CPA6: variants seen among roughly 807,000 people sequenced by gnomAD.
CPA6 encodes the protein carboxypeptidase A6.
In CPA6, 58 loss-of-function variants were observed where a neutral mutation model predicts 63.3. That is an observed-to-expected ratio of 0.92 (90% CI 0.74 to 1.14). The LOEUF is 1.14. CPA6 is among the 50% of genes most tolerant of loss of function. The pLI, the probability that CPA6 is intolerant of heterozygous loss-of-function variation, is 0.00. For synonymous variants in CPA6, 185 were observed against 179.0 expected (o/e 1.03, Z -0.27); for missense variants, 565 against 526.6 (o/e 1.07, Z -0.71).
At chr8:67,494,718 G>A (rs2128962827) in intron 6 of CPA6, among the ~76,000 whole-genome samples, 1 of 152,188 alleles carries the variant, frequency 6.6e-6, no homozygotes, top group African/African-American at 2.4e-5. Flanking sequence ...CCTAAATATA[G>A]CTATTACTTG....
intron 1 of CPA6, among the ~76,000 whole-genome samples, chr8:67,711,251 C>T (rs1054746189): frequency 6.6e-6 from 1 of 152,220 alleles, no homozygotes; most frequent in South Asian, 2.1e-4. Flanking sequence ...AACCTTACAA[C>T]AAATTACCTA....
At chr8:67,562,910 G>A (rs1813248821) in intron 2 of CPA6, among the ~76,000 whole-genome samples, 1 of 152,096 alleles carries the variant, frequency 6.6e-6, no homozygotes, top group Non-Finnish European at 1.5e-5. Context: ...TAAGACAGTT[G>A]ATATCACACC....
At chr8:67,524,068 C>G (rs190662409) in intron 2 of CPA6, among the ~76,000 whole-genome samples, 9 of 152,314 alleles carry the variant, frequency 5.9e-5, no homozygotes, top group Middle Eastern at 3.4e-3. Context: ...TTAGTTTACA[C>G]AAAATCTTAA....
chr8:67,563,120 GAA>G (rs10710818), intron 2 of CPA6, among the ~76,000 whole-genome samples: 1,928 of 146,570 alleles, frequency 0.013, 11 homozygotes, highest in Non-Finnish European at 0.02. Flanking sequence ...AGAATGAAGA[GAA>G]AAAAAAAAAC....
chr8:67,459,256 T>C (rs1451069783), intron 8 of CPA6, among the ~76,000 whole-genome samples: 2 of 152,188 alleles, frequency 1.3e-5, no homozygotes, highest in Admixed American at 1.3e-4. Context: ...AACTCCTGGC[T>C]CCAGCTATTT....
chr8:67,715,551 T>G (rs1817360444), intron 1 of CPA6, among the ~76,000 whole-genome samples: 1 of 152,298 alleles, frequency 6.6e-6, no homozygotes, highest in Admixed American at 6.5e-5. Context: ...ACCAAGTTGG[T>G]TTAATTAAAA....
chr8:67,640,392 G>T lies in CPA6; in HGVS notation c.117-16141C>A, dbSNP rs576739754. On this transcript the variant is annotated intron_variant, in intron 1 of 10. Transcript: ENST00000297770. ...AAATCCAGAGGGGGTCGAGGTGGCA[G>T]GGAGCTGGCGTGTTAGCGCTGCCCT... Among the ~76,000 whole-genome samples, 216 of 151,686 alleles carry T rather than the reference G, an allele frequency of 1.4e-3. 2 individuals are homozygous for T. The highest frequency in any genetic ancestry group is 1.4e-3 in the Non-Finnish European group (96 of 68,026).
At chr8:67,720,476 T>C (rs558196230) in intron 1 of CPA6, among the ~76,000 whole-genome samples, 11 of 152,110 alleles carry the variant, frequency 7.2e-5, no homozygotes, top group African/African-American at 2.4e-4. Context: ...AGCTAAGCCA[T>C]GAAAATGACC....
At chr8:67,732,716 C>T in intron 1 of CPA6, 1 of 152,540 alleles carries the variant, frequency 6.6e-6, no homozygotes, top group Non-Finnish European at 1.5e-5. Flanking sequence ...GAGGAACATG[C>T]ACAGAATAGA....
chr8:67,643,085 C>G (rs1220420935), intron 1 of CPA6, among the ~76,000 whole-genome samples: 1 of 151,830 alleles, frequency 6.6e-6, no homozygotes, highest in Non-Finnish European at 1.5e-5. Flanking sequence ...AGATGCATTA[C>G]CTAAAAAATG....
intron 8 of CPA6, among the ~76,000 whole-genome samples, chr8:67,459,650 G>A (rs750682538): frequency 1.3e-5 from 2 of 152,148 alleles, no homozygotes; most frequent in Non-Finnish European, 2.9e-5. Flanking sequence ...AAGGTTTTTA[G>A]GGCAATGAAG....
chr8:67,486,518 C>G (rs1195474807), intron 6 of CPA6, among the ~76,000 whole-genome samples: 7 of 152,228 alleles, frequency 4.6e-5, no homozygotes, highest in Non-Finnish European at 1.5e-5. Flanking sequence ...CTTAATGACA[C>G]ATTTCCCAGA....
chr8:67,685,461 C>CA (rs897880136), intron 1 of CPA6, among the ~76,000 whole-genome samples: 12 of 151,598 alleles, frequency 7.9e-5, no homozygotes, highest in South Asian at 2.1e-4. Context: ...ACTAAAAATA[C>CA]AAAAAAAATT....
chr8:67,706,278 G>A lies in CPA6; in HGVS notation c.116+39736C>T, dbSNP rs544048885. Among the ~76,000 whole-genome samples, 8 of 152,312 alleles carry A rather than the reference G, an allele frequency of 5.3e-5. No individual in the cohort carries two copies. In the South Asian group the frequency reaches 1.7e-3, roughly 32 times the overall value. ...ACAGTTTGCCATGTCCCCAAGCCGT[G>A]CTGGTAAAAGTAAAACCTTATCTGA... On this transcript the variant is annotated intron_variant, in intron 1 of 10. Coordinates refer to ENST00000297770, the MANE Select transcript of CPA6 (RefSeq NM_020361.5).
intron 6 of CPA6, among the ~76,000 whole-genome samples, chr8:67,495,999 C>A (rs11997749): frequency 2.0e-5 from 3 of 152,144 alleles, no homozygotes; most frequent in African/African-American, 7.2e-5. Context: ...GCCCACATAT[C>A]ATGCTCATTC....
Position 67,506,854 on chromosome 8 carries a change from C to T in CPA6, c.569G>A (p.Trp190Ter), listed in dbSNP as rs777639870. The T allele has an allele frequency of 5.0e-6, 8 of 1,613,606 alleles. No individual in the cohort carries two copies. The highest frequency in any genetic ancestry group is 5.9e-6 in the Non-Finnish European group (7 of 1,179,644). Residue 190 changes from tryptophan (W) to a stop codon, truncating the protein, a stop_gained, in exon 6 of 11, where the codon TGG becomes TAG. Transcript: ENST00000297770. LOFTEE classifies it high-confidence loss of function. ...TCTTGCATGAATACCACAGTCTATC[C>T]AAACAGCTCTTTTGAGTCGTGATCG... Reference protein sequence around the residue: ...GRRSRLKRAVWIDCGIHAREW... With the variant: ...GRRSRLKRAV
chr8:67,673,880 C>G (rs556428641), intron 1 of CPA6, among the ~76,000 whole-genome samples: 2 of 152,054 alleles, frequency 1.3e-5, no homozygotes, highest in East Asian at 3.9e-4. Context: ...CTTCAAGAAG[C>G]CTTTAATACA....
chr8:67,666,257 T>C (rs1210425539), intron 1 of CPA6, among the ~76,000 whole-genome samples: 1 of 152,166 alleles, frequency 6.6e-6, no homozygotes, highest in Non-Finnish European at 1.5e-5. Context: ...GGAACTTATG[T>C]AAAGGATGCA....
chr8:67,586,551 TTTGA>T (rs1458222587), intron 2 of CPA6, among the ~76,000 whole-genome samples: 9 of 152,174 alleles, frequency 5.9e-5, no homozygotes. Flanking sequence ...AGGTGTTCTG[TTTGA>T]TTACCTCAGC....
Sources: allele counts gnomAD v4.1 joint callset (sites outside exome capture counted in the v4.1 genomes callset), GRCh38; gene constraint gnomAD v4.1.1; transcripts MANE v1.5; gene names NCBI Gene and HGNC (gene_info 2026-07-23, HGNC 2026-07-21).